GRID2: variants seen among roughly 807,000 people sequenced by gnomAD.
GRID2 encodes glutamate receptor ionotropic, delta-2.
In GRID2, 33 loss-of-function variants were observed where a neutral mutation model predicts 114.8. That is an observed-to-expected ratio of 0.29 (90% CI 0.22 to 0.38). The LOEUF (loss-of-function observed/expected upper bound fraction) is 0.38, where lower values mean the gene tolerates loss of function less well. Ranked by LOEUF, GRID2 falls within the 10% of genes least tolerant of loss-of-function variation. The probability of loss-of-function intolerance (pLI) is 1.00; values close to 1 mark genes in which losing one functional copy is unlikely to be tolerated. For synonymous variants in GRID2, 505 were observed against 449.9 expected, an observed-to-expected ratio of 1.12 and a Z score of -1.55; for missense variants, 1,184 against 1,257.7, an observed-to-expected ratio of 0.94 and a Z score of 0.89.
chr4:93,239,873 G>C (rs2149514649), intron 8 of GRID2, among the ~76,000 whole-genome samples: 1 of 151,556 alleles, frequency 6.6e-6, no homozygotes, highest in African/African-American at 2.4e-5. Flanking sequence ...TAATTGTTTT[G>C]TCAATGTTTC....
chr4:93,424,617 T>G (rs1768660902), intron 10 of GRID2, among the ~76,000 whole-genome samples: 1 of 152,164 alleles, frequency 6.6e-6, no homozygotes, highest in Non-Finnish European at 1.5e-5. Context: ...CAAGTTTCTC[T>G]TCATTTTTTG....
chr4:92,793,258 CA>C (rs1483893942), intron 2 of GRID2, among the ~76,000 whole-genome samples: 1 of 151,644 alleles, frequency 6.6e-6, no homozygotes, highest in Non-Finnish European at 1.5e-5. Context: ...CTAGAATGTT[CA>C]TTTTTTTGCC....
At chr4:93,431,191 G>A (rs1002433474) in intron 10 of GRID2, among the ~76,000 whole-genome samples, 4 of 152,154 alleles carry the variant, frequency 2.6e-5, no homozygotes, top group Admixed American at 1.3e-4. Flanking sequence ...AAAAGATTTA[G>A]AGGAGGAGGA....
intron 8 of GRID2, among the ~76,000 whole-genome samples, chr4:93,377,453 G>C (rs966308269): frequency 7.9e-5 from 12 of 152,060 alleles, no homozygotes; most frequent in African/African-American, 2.2e-4. Context: ...GCAGGCTCTG[G>C]TTGAAGGACA....
chr4:93,564,050 A>G (rs952383327), intron 13 of GRID2, among the ~76,000 whole-genome samples: 1 of 152,034 alleles, frequency 6.6e-6, no homozygotes, highest in African/African-American at 2.4e-5. Context: ...GTAAAATTTT[A>G]CAGTGGAAAA....
intron 1 of GRID2, among the ~76,000 whole-genome samples, chr4:92,497,436 A>C (rs1400214380): frequency 6.6e-6 from 1 of 151,890 alleles, no homozygotes; most frequent in Non-Finnish European, 1.5e-5. Context: ...CACCAGCCTT[A>C]ACTACCTGAA....
At chr4:93,800,588 T>C (rs1321070628) in intron 1 of GRID2, among the ~76,000 whole-genome samples, 1 of 152,214 alleles carries the variant, frequency 6.6e-6, no homozygotes, top group African/African-American at 2.4e-5. Context: ...AGCATTTTAA[T>C]GGGTATCATG....
At chr4:93,047,117 A>T (rs563855882) in intron 2 of GRID2, among the ~76,000 whole-genome samples, 1 of 152,158 alleles carries the variant, frequency 6.6e-6, no homozygotes, top group South Asian at 2.1e-4. Flanking sequence ...GATTAATACC[A>T]AAATGAAACA....
At chr4:93,094,081 G>T (rs1253811361) in intron 3 of GRID2, among the ~76,000 whole-genome samples, 2 of 151,952 alleles carry the variant, frequency 1.3e-5, no homozygotes, top group Admixed American at 1.3e-4. Flanking sequence ...TAGAAAAAAG[G>T]CCTTCCAATA....
intron 13 of GRID2, among the ~76,000 whole-genome samples, chr4:93,569,983 C>T (rs990702912): frequency 6.6e-6 from 1 of 152,270 alleles, no homozygotes; most frequent in East Asian, 1.9e-4. Flanking sequence ...TTACTGCTTA[C>T]TTATTGACAT....
chr4:92,415,740 G>GTATATA (rs70940888), intron 1 of GRID2, among the ~76,000 whole-genome samples: 2,623 of 81,360 alleles, frequency 0.032, 79 homozygotes, highest in Non-Finnish European at 0.04. Context: ...GTGTATGTGT[G>GTATATA]TATATATATA....
intron 4 of GRID2, among the ~76,000 whole-genome samples, chr4:93,181,054 AG>A (rs1266230715): frequency 6.6e-6 from 1 of 152,194 alleles, no homozygotes; most frequent in Non-Finnish European, 1.5e-5. Context: ...ATATATCAGA[AG>A]AATCACCTAT....
chr4:92,418,131 G>A (rs1468450619), intron 1 of GRID2, among the ~76,000 whole-genome samples: 1 of 152,148 alleles, frequency 6.6e-6, no homozygotes, highest in Non-Finnish European at 1.5e-5. Flanking sequence ...CCATGGAAGA[G>A]TCTGAGGTAG....
At chr4:93,710,179 A>G (rs910459582) in intron 14 of GRID2, among the ~76,000 whole-genome samples, 2 of 152,190 alleles carry the variant, frequency 1.3e-5, no homozygotes, top group Admixed American at 6.5e-5. Context: ...TGTAGTCTTC[A>G]TGATCTGGGC....
chr4:92,332,762 A>G (rs1726962466), intron 1 of GRID2, among the ~76,000 whole-genome samples: 1 of 152,180 alleles, frequency 6.6e-6, no homozygotes, highest in African/African-American at 2.4e-5. Flanking sequence ...CAAGAAGAAA[A>G]GAATAACAAT....
At chr4:92,734,395 C>T (rs1328607063) in intron 2 of GRID2, among the ~76,000 whole-genome samples, 3 of 151,978 alleles carry the variant, frequency 2.0e-5, no homozygotes, top group South Asian at 2.1e-4. Context: ...GATCCTTCCA[C>T]CTCAGCCTCC....
At chr4:93,466,946 G>T (rs758371216) in intron 11 of GRID2, among the ~76,000 whole-genome samples, 2 of 152,086 alleles carry the variant, frequency 1.3e-5, no homozygotes, top group African/African-American at 2.4e-5. Flanking sequence ...TGGTTTCATT[G>T]TAAACTTAAA....
intron 9 of GRID2, among the ~76,000 whole-genome samples, chr4:93,406,918 G>A (rs528163837): frequency 1.3e-5 from 2 of 152,198 alleles, no homozygotes; most frequent in Non-Finnish European, 2.9e-5. Flanking sequence ...ACGAAAAAAC[G>A]TCACAGAAAG....
chr4:93,398,912 C>T (rs1440659423), intron 9 of GRID2, among the ~76,000 whole-genome samples: 1 of 151,828 alleles, frequency 6.6e-6, no homozygotes, highest in Non-Finnish European at 1.5e-5. Flanking sequence ...AGAATGGAAA[C>T]CAGTCATTCC....
Sources: allele counts gnomAD v4.1 joint callset (sites outside exome capture counted in the v4.1 genomes callset), GRCh38; gene constraint gnomAD v4.1.1; transcripts MANE v1.5; gene names NCBI Gene and HGNC (gene_info 2026-07-23, HGNC 2026-07-21).